Variants in NOVA1 observed in about 807,000 individuals in gnomAD.
NOVA1 encodes the protein NOVA alternative splicing regulator 1.
A neutral mutation model predicts 38.0 loss-of-function variants in NOVA1; 7 were observed. That is an observed-to-expected ratio of 0.18 (90% CI 0.10 to 0.35). The LOEUF is 0.35. Among genes scored for constraint, NOVA1 ranks in the 10% least tolerant of loss-of-function variants. The probability of loss-of-function intolerance (pLI) is 1.00; values close to 1 mark genes in which losing one functional copy is unlikely to be tolerated. For synonymous variants in NOVA1, 270 were observed against 232.5 expected, an observed-to-expected ratio of 1.16 and a Z score of -1.47; for missense variants, 460 against 616.0, an observed-to-expected ratio of 0.75 and a Z score of 2.68.
intron 2 of NOVA1, among the ~76,000 whole-genome samples, chr14:26,585,293 C>T (rs181870858): frequency 1.3e-5 from 2 of 151,328 alleles, no homozygotes; most frequent in East Asian, 1.9e-4. Context: ...CATACTAATA[C>T]CTTGATATTT....
At position 26,512,250 on chromosome 14, in the gene NOVA1, G is replaced by C. The variant is rs1156279868; in HGVS notation, c.281-32107C>G. On this transcript the variant is annotated intron_variant, in intron 2 of 4. Transcript: ENST00000539517. ...AAACTGCTTTTAAAATCAAGTTTAT[G>C]AGCTAAGCAAAACTGGTCCTATTAC... Among the ~76,000 whole-genome samples, 3 of 152,136 alleles carry C rather than the reference G, an allele frequency of 2.0e-5. No individual in the cohort carries two copies. In the East Asian group the frequency reaches 5.8e-4, roughly 29 times the overall value.
At chr14:26,516,026 TGA>T (rs1888439331) in intron 2 of NOVA1, among the ~76,000 whole-genome samples, 1 of 152,170 alleles carries the variant, frequency 6.6e-6, no homozygotes, top group Admixed American at 6.5e-5. Context: ...CACCTGTTTA[TGA>T]GAGTTAATCC....
chr14:26,575,126 T>C (rs1443837952), intron 2 of NOVA1, among the ~76,000 whole-genome samples: 1 of 152,226 alleles, frequency 6.6e-6, no homozygotes, highest in East Asian at 1.9e-4. Flanking sequence ...ACAGTCCTTT[T>C]AAAATGTATG....
intron 2 of NOVA1, among the ~76,000 whole-genome samples, chr14:26,500,193 CCTGTAGAGCTCACAAGAATGTGAG>C (rs1887146537): frequency 6.6e-6 from 1 of 152,012 alleles, no homozygotes; most frequent in African/African-American, 2.4e-5. Context: ...TGTTCACTAG[CCTGTAGAGCTCACAAGAATGTGAG>C]CTGTTTACAT....
intron 2 of NOVA1, among the ~76,000 whole-genome samples, chr14:26,542,937 C>G (rs192971100): frequency 1.3e-5 from 2 of 151,712 alleles, no homozygotes; most frequent in East Asian, 3.9e-4. Flanking sequence ...TAATTTAGCC[C>G]AAACCAGAAC....
chr14:26,526,969 C>T (rs73601924), intron 2 of NOVA1, among the ~76,000 whole-genome samples: 7,522 of 151,974 alleles, frequency 0.049, 575 homozygotes, highest in African/African-American at 0.16. Flanking sequence ...CTTGGACATC[C>T]TGGAGACTTC....
intron 2 of NOVA1, among the ~76,000 whole-genome samples, chr14:26,547,004 C>T (rs1001086966): frequency 2.0e-4 from 30 of 151,712 alleles, no homozygotes; most frequent in South Asian, 8.3e-4. Flanking sequence ...GGGGATACAG[C>T]GAGACTCCAT....
intron 4 of NOVA1, among the ~76,000 whole-genome samples, chr14:26,468,940 G>A (rs1884368127): frequency 6.6e-6 from 1 of 152,076 alleles, no homozygotes; most frequent in South Asian, 2.1e-4. Flanking sequence ...TTTAATTTTT[G>A]GTACCACTGA....
intron 2 of NOVA1, chr14:26,549,845 G>T (rs1484809724): frequency 5.4e-6 from 4 of 739,364 alleles, no homozygotes; most frequent in Non-Finnish European, 8.2e-6. Context: ...GCAATTCGGT[G>T]GTGGGTGAAG....
intron 4 of NOVA1, among the ~76,000 whole-genome samples, chr14:26,455,777 AT>A (rs1883123799): frequency 6.6e-6 from 1 of 152,050 alleles, no homozygotes; most frequent in Non-Finnish European, 1.5e-5. Context: ...TGTTGAGATG[AT>A]GAGCACTCTA....
At chr14:26,488,999 A>T (rs1886128221) in intron 2 of NOVA1, among the ~76,000 whole-genome samples, 1 of 152,156 alleles carries the variant, frequency 6.6e-6, no homozygotes, top group African/African-American at 2.4e-5. Flanking sequence ...AAGTGTGACC[A>T]GTGGTGGAAT....
chr14:26,571,069 T>C (rs1892443688), intron 2 of NOVA1, among the ~76,000 whole-genome samples: 1 of 151,924 alleles, frequency 6.6e-6, no homozygotes. Context: ...AGAGCAATAA[T>C]TGGTGATGTG....
chr14:26,586,752 A>G (rs1285326904), intron 2 of NOVA1, among the ~76,000 whole-genome samples: 10 of 151,164 alleles, frequency 6.6e-5, no homozygotes, highest in African/African-American at 9.7e-5. Context: ...AGAGAAAATG[A>G]CCAGGCTACA....
chr14:26,499,872 T>C (rs893991913), intron 2 of NOVA1, among the ~76,000 whole-genome samples: 9 of 152,132 alleles, frequency 5.9e-5, no homozygotes, highest in Non-Finnish European at 1.0e-4. Context: ...CTTAGAGTTC[T>C]TAAAGCCGTG....
chr14:26,509,137 T>C lies in NOVA1; in HGVS notation c.281-28994A>G, dbSNP rs377278785. On this transcript the variant is annotated intron_variant, in intron 2 of 4. Transcript: ENST00000539517. ...AGAATATCGCCTTATATTAGGCTGG[T>C]TCTTCAAAGATGAGTACATTTTTAG... Among the ~76,000 whole-genome samples, 34 of 152,272 alleles carry C rather than the reference T, an allele frequency of 2.2e-4. No homozygotes were observed. In the East Asian group the frequency reaches 6.4e-3, roughly 29 times the overall value.
At chr14:26,489,643 A>T (rs1886178697) in intron 2 of NOVA1, among the ~76,000 whole-genome samples, 1 of 152,106 alleles carries the variant, frequency 6.6e-6, no homozygotes, top group Non-Finnish European at 1.5e-5. Flanking sequence ...GTTTGAGACC[A>T]GCCTGGTCTA....
intron 2 of NOVA1, among the ~76,000 whole-genome samples, chr14:26,509,518 G>A (rs943627811): frequency 2.0e-5 from 3 of 152,128 alleles, no homozygotes; most frequent in Non-Finnish European, 2.9e-5. Context: ...ATTGTAATGC[G>A]ATTGACAGAG....
At chr14:26,509,905 C>T (rs1267807178) in intron 2 of NOVA1, among the ~76,000 whole-genome samples, 3 of 152,176 alleles carry the variant, frequency 2.0e-5, no homozygotes, top group Non-Finnish European at 4.4e-5. Context: ...GTCTCAAACT[C>T]CTGACCTCGG....
chr14:26,594,717 G>A (rs1475659117), intron 2 of NOVA1, among the ~76,000 whole-genome samples: 1 of 151,824 alleles, frequency 6.6e-6, no homozygotes, highest in East Asian at 1.9e-4. Flanking sequence ...ACTTGAAAGT[G>A]AAAAACAAAA....
Sources: gnomAD v4.1 joint callset for allele counts (sites outside exome capture counted in the v4.1 genomes callset) on GRCh38, gnomAD v4.1.1 for gene constraint, MANE v1.5 for transcripts, NCBI Gene and HGNC (gene_info 2026-07-23, HGNC 2026-07-21) for gene names.